BMPR1B: variants seen among roughly 807,000 people sequenced by gnomAD.
The protein encoded by BMPR1B is bone morphogenetic protein receptor type 1B, also known as bone morphogenetic protein receptor type-1B.
Under a neutral mutation model 59.1 loss-of-function variants are expected in BMPR1B, and 12 were observed. That is an observed-to-expected ratio of 0.20 (90% confidence interval 0.13 to 0.33). BMPR1B has a LOEUF of 0.33. Ranked by LOEUF, BMPR1B falls within the 10% of genes least tolerant of loss-of-function variation. The probability of loss-of-function intolerance (pLI) is 1.00; values close to 1 mark genes in which losing one functional copy is unlikely to be tolerated. For synonymous variants in BMPR1B, 237 were observed against 207.3 expected, an observed-to-expected ratio of 1.14 and a Z score of -1.23; for missense variants, 550 against 610.9, an observed-to-expected ratio of 0.90 and a Z score of 1.05.
At chr4:94,987,932 A>G (rs551574172) in intron 2 of BMPR1B, among the ~76,000 whole-genome samples, 27 of 152,316 alleles carry the variant, frequency 1.8e-4, no homozygotes, top group African/African-American at 6.5e-4. Flanking sequence ...ATAATGATTT[A>G]TCATCTGGAT....
At chr4:94,779,216 T>G (rs1417509578) in intron 1 of BMPR1B, among the ~76,000 whole-genome samples, 1 of 152,096 alleles carries the variant, frequency 6.6e-6, no homozygotes, top group Non-Finnish European at 1.5e-5. Context: ...GTGTAACCTA[T>G]TTATGTATAA....
intron 2 of BMPR1B, among the ~76,000 whole-genome samples, chr4:94,989,109 G>A (rs746243351): frequency 2.6e-5 from 4 of 151,932 alleles, no homozygotes; most frequent in African/African-American, 7.3e-5. Context: ...AATCATTCAC[G>A]GCCGGGTGCG....
intron 2 of BMPR1B, among the ~76,000 whole-genome samples, chr4:94,922,250 C>T (rs1728717414): frequency 6.6e-6 from 1 of 152,114 alleles, no homozygotes; most frequent in South Asian, 2.1e-4. Context: ...GCTGGGATTA[C>T]AGGCATGAGT....
At chr4:95,040,076 T>TA (rs1208814410) in intron 3 of BMPR1B, among the ~76,000 whole-genome samples, 1 of 136,864 alleles carries the variant, frequency 7.3e-6, no homozygotes, top group Non-Finnish European at 1.6e-5. Flanking sequence ...ATAGGACTGA[T>TA]ATTTCGTAGC....
In BMPR1B at chr4:95,049,421, T is replaced by G. The variant is rs542560640; in HGVS notation, c.-18+53287T>G. Among the ~76,000 whole-genome samples the G allele has an allele frequency of 0.014, 26 of 1,820 alleles. No individual in the cohort carries two copies. The South Asian group carries it at 0.19, about 14-fold the overall frequency. The allele number at this position is 1,820 out of a possible 152,430, so 1.2% of individuals were successfully genotyped here. A position where few individuals can be genotyped will look rare whatever the true frequency, so the allele number is the denominator to read the frequency against. On this transcript the variant is annotated intron_variant, in intron 3 of 12. Coordinates refer to ENST00000515059, the MANE Select transcript of BMPR1B (RefSeq NM_001203.3). ...GAGCCAATGTGCCCAGCATAAAAGTTTTTTTTTTTTTTTTTTTTTTTTTTT... is the reference window on the plus strand; with the variant it reads ...GAGCCAATGTGCCCAGCATAAAAGTGTTTTTTTTTTTTTTTTTTTTTTTTT...
intron 1 of BMPR1B, among the ~76,000 whole-genome samples, chr4:94,778,161 A>G (rs991720418): frequency 4.0e-4 from 61 of 152,188 alleles, no homozygotes; most frequent in South Asian, 4.1e-4. Flanking sequence ...AGTAATACCA[A>G]TAACTTGTAA....
chr4:94,806,431 A>G (rs1162498549), intron 1 of BMPR1B, among the ~76,000 whole-genome samples: 1 of 152,208 alleles, frequency 6.6e-6, no homozygotes, highest in Non-Finnish European at 1.5e-5. Context: ...TCAGCTTTAA[A>G]TTTTTTGAAG....
At chr4:95,067,872 T>G (rs1402759949) in intron 3 of BMPR1B, among the ~76,000 whole-genome samples, 1 of 152,082 alleles carries the variant, frequency 6.6e-6, no homozygotes, top group Non-Finnish European at 1.5e-5. Flanking sequence ...AAAGAATACT[T>G]TGGGAACGGA....
At chr4:95,049,923 G>A (rs1726354598) in intron 3 of BMPR1B, among the ~76,000 whole-genome samples, 1 of 152,066 alleles carries the variant, frequency 6.6e-6, no homozygotes, top group Non-Finnish European at 1.5e-5. Flanking sequence ...CTTTTGAACT[G>A]AATTAGGATT....
chr4:94,908,002 C>T (rs1234020526), intron 2 of BMPR1B, among the ~76,000 whole-genome samples: 4 of 132,160 alleles, frequency 3.0e-5, no homozygotes, highest in African/African-American at 5.6e-5. Context: ...GTGTGCAATG[C>T]TCTTACCTGT....
chr4:95,084,539 T>C (rs1040822393), intron 3 of BMPR1B, among the ~76,000 whole-genome samples: 3 of 152,164 alleles, frequency 2.0e-5, no homozygotes, highest in Admixed American at 2.0e-4. Context: ...AGGTGTAACA[T>C]GTTGTAGTGT....
intron 2 of BMPR1B, among the ~76,000 whole-genome samples, chr4:94,909,014 CT>C (rs1197886875): frequency 2.0e-5 from 3 of 152,006 alleles, no homozygotes; most frequent in Non-Finnish European, 2.9e-5. Context: ...GGAAAGAATC[CT>C]TTCTTGCCTT....
chr4:95,017,894 T>G (rs571709247), intron 3 of BMPR1B, among the ~76,000 whole-genome samples: 20 of 152,286 alleles, frequency 1.3e-4, no homozygotes, highest in African/African-American at 4.8e-4. Context: ...ATAAGATGCT[T>G]TTATGTCAAC....
At chr4:95,056,615 G>A (rs1026133123) in intron 3 of BMPR1B, among the ~76,000 whole-genome samples, 7 of 152,234 alleles carry the variant, frequency 4.6e-5, no homozygotes, top group South Asian at 2.1e-4. Context: ...CGCTGTGTGC[G>A]TCTGCTCCCT....
At chr4:95,007,660 C>T (rs997162954) in intron 3 of BMPR1B, among the ~76,000 whole-genome samples, 1 of 152,136 alleles carries the variant, frequency 6.6e-6, no homozygotes, top group African/African-American at 2.4e-5. Context: ...TTTCACCTTG[C>T]TCCTTCAAAT....
At chr4:94,972,777 TAAAATAGAGATA>T (rs1274478015) in intron 2 of BMPR1B, among the ~76,000 whole-genome samples, 1 of 152,202 alleles carries the variant, frequency 6.6e-6, no homozygotes, top group Non-Finnish European at 1.5e-5. Context: ...TCTCCATTCA[TAAAATAGAGATA>T]ATGCTGGCCT....
intron 1 of BMPR1B, among the ~76,000 whole-genome samples, chr4:94,803,949 G>A (rs1723507389): frequency 6.6e-6 from 1 of 152,108 alleles, no homozygotes; most frequent in Non-Finnish European, 1.5e-5. Flanking sequence ...TGGAATCTCG[G>A]CTCACTGCAA....
intron 1 of BMPR1B, among the ~76,000 whole-genome samples, chr4:94,801,619 A>G (rs956937933): frequency 6.6e-6 from 1 of 152,154 alleles, no homozygotes; most frequent in African/African-American, 2.4e-5. Flanking sequence ...TATTATTCCT[A>G]TTTTGTAAAT....
At chr4:95,079,051 G>A (rs922417063) in intron 3 of BMPR1B, among the ~76,000 whole-genome samples, 5 of 152,104 alleles carry the variant, frequency 3.3e-5, no homozygotes, top group African/African-American at 9.7e-5. Context: ...GAGCCACTGC[G>A]CCTAACCAAA....
Sources: allele counts gnomAD v4.1 joint callset (sites outside exome capture counted in the v4.1 genomes callset), GRCh38; gene constraint gnomAD v4.1.1; transcripts MANE v1.5; gene names NCBI Gene and HGNC (gene_info 2026-07-23, HGNC 2026-07-21).